RORA: variants seen among roughly 807,000 people sequenced by gnomAD.
The protein encoded by RORA is RAR related orphan receptor A, also known as nuclear receptor ROR-alpha.
RORA carries 7 observed loss-of-function variants against 69.5 expected under a neutral mutation model. That is an observed-to-expected ratio of 0.10 (90% CI 0.06 to 0.19). The LOEUF is 0.19. RORA is among the 10% of genes least tolerant of loss of function. RORA has a pLI of 1.00. For synonymous variants in RORA, 261 were observed against 240.8 expected (o/e 1.08, Z -0.78); for missense variants, 457 against 663.0 (o/e 0.69, Z 3.41).
chr15:60,788,316 G>T (rs960835543), intron 1 of RORA, among the ~76,000 whole-genome samples: 1 of 152,204 alleles, frequency 6.6e-6, no homozygotes, highest in Admixed American at 6.5e-5. Context: ...GGAGACAGAT[G>T]ATTGCAATAG....
chr15:61,111,079 T>C (rs1485522583), intron 1 of RORA, among the ~76,000 whole-genome samples: 2 of 152,192 alleles, frequency 1.3e-5, no homozygotes, highest in Non-Finnish European at 2.9e-5. Context: ...TTTGAAAGTC[T>C]GCAGAAAAGT....
At chr15:61,207,774 A>G (rs2079955490) in intron 1 of RORA, among the ~76,000 whole-genome samples, 1 of 152,188 alleles carries the variant, frequency 6.6e-6, no homozygotes, top group East Asian at 1.9e-4. Flanking sequence ...AGTGTCCTTA[A>G]CTCTTGCTTC....
At chr15:60,545,782 C>G (rs976812306) in intron 2 of RORA, among the ~76,000 whole-genome samples, 1 of 152,146 alleles carries the variant, frequency 6.6e-6, no homozygotes, top group Non-Finnish European at 1.5e-5. Context: ...CTTCTTTGGG[C>G]ATAATTTTAC....
intron 1 of RORA, among the ~76,000 whole-genome samples, chr15:60,875,547 C>A (rs534715798): frequency 6.6e-6 from 1 of 152,260 alleles, no homozygotes; most frequent in East Asian, 1.9e-4. Flanking sequence ...TTGGGTATGT[C>A]TACAAATGGT....
chr15:60,698,735 C>T (rs1403544270), intron 1 of RORA, among the ~76,000 whole-genome samples: 1 of 147,498 alleles, frequency 6.8e-6, no homozygotes, highest in Non-Finnish European at 1.5e-5. Context: ...ATTTATAATT[C>T]CTAGATTAGT....
chr15:60,915,600 C>T (rs1012999951), intron 1 of RORA, among the ~76,000 whole-genome samples: 2 of 152,174 alleles, frequency 1.3e-5, no homozygotes, highest in African/African-American at 2.4e-5. Flanking sequence ...ACTTGAAATG[C>T]GGTATGACTT....
intron 1 of RORA, among the ~76,000 whole-genome samples, chr15:60,921,140 T>C (rs982881200): frequency 1.3e-5 from 2 of 152,218 alleles, no homozygotes; most frequent in Non-Finnish European, 2.9e-5. Flanking sequence ...AGCTCCTGGT[T>C]CACATATGCC....
At chr15:61,023,532 A>G (rs1895650090) in intron 1 of RORA, among the ~76,000 whole-genome samples, 1 of 152,198 alleles carries the variant, frequency 6.6e-6, no homozygotes, top group South Asian at 2.1e-4. Context: ...ATGGGAGTAC[A>G]GTTCCAGATG....
chr15:61,081,464 T>A (rs1170028236), intron 1 of RORA, among the ~76,000 whole-genome samples: 1 of 152,182 alleles, frequency 6.6e-6, no homozygotes, highest in African/African-American at 2.4e-5. Flanking sequence ...CTGGTCTTAT[T>A]TCCCCGTGTA....
intron 1 of RORA, among the ~76,000 whole-genome samples, chr15:61,177,186 C>T (rs1251376014): frequency 6.6e-6 from 1 of 152,120 alleles, no homozygotes; most frequent in South Asian, 2.1e-4. Context: ...ATGCTACTTC[C>T]AGCAGAGAAG....
intron 1 of RORA, among the ~76,000 whole-genome samples, chr15:60,840,635 G>C (rs2073183654): frequency 6.6e-6 from 1 of 152,238 alleles, no homozygotes; most frequent in Non-Finnish European, 1.5e-5. Context: ...GAGGGACACT[G>C]CATGTGTCCC....
intron 1 of RORA, among the ~76,000 whole-genome samples, chr15:60,679,083 G>A (rs1323742212): frequency 6.6e-6 from 1 of 152,146 alleles, no homozygotes; most frequent in African/African-American, 2.4e-5. Context: ...TGAGCAACAC[G>A]GCAATTAATT....
chr15:60,568,467 C>G (rs1244256110), intron 2 of RORA, among the ~76,000 whole-genome samples: 4 of 152,308 alleles, frequency 2.6e-5, no homozygotes, highest in Non-Finnish European at 5.9e-5. Flanking sequence ...TCTCAAGACC[C>G]AAACCTCCCT....
intron 1 of RORA, among the ~76,000 whole-genome samples, chr15:61,225,602 C>T (rs1383508246): frequency 1.3e-5 from 2 of 152,178 alleles, no homozygotes; most frequent in Non-Finnish European, 2.9e-5. Flanking sequence ...CGATTTTTCC[C>T]TTAGGTCTGC....
At chr15:60,671,919 C>A (rs2070479747) in intron 2 of RORA, among the ~76,000 whole-genome samples, 1 of 151,796 alleles carries the variant, frequency 6.6e-6, no homozygotes, top group African/African-American at 2.4e-5. Context: ...GCCAGCAAGA[C>A]CCTGTCTCTA....
intron 1 of RORA, among the ~76,000 whole-genome samples, chr15:61,088,147 G>A (rs1463188527): frequency 1.3e-5 from 2 of 152,164 alleles, no homozygotes; most frequent in African/African-American, 4.8e-5. Context: ...TGGCCAGAGT[G>A]ACAGGTCATC....
Position 60,596,803 on chromosome 15 carries a change from A to G in RORA, c.197-64952T>C, listed in dbSNP as rs141117873. On this transcript the variant is annotated intron_variant, in intron 2 of 10. Transcript: ENST00000335670. ...TGTAGATTGAAATATGCATGTATGT[A>G]TACATATGCATAGTTCATGAAATAT... Among the ~76,000 whole-genome samples the G allele has an allele frequency of 9.2e-4, 140 of 152,332 alleles. 1 individual carries two copies. The highest frequency in any genetic ancestry group is 3.1e-3 in the African/African-American group (127 of 41,580).
At chr15:60,895,206 G>A (rs897919981) in intron 1 of RORA, among the ~76,000 whole-genome samples, 9 of 152,178 alleles carry the variant, frequency 5.9e-5, no homozygotes, top group African/African-American at 2.2e-4. Context: ...ATACCCGGAG[G>A]CAAGAAAGCG....
intron 1 of RORA, among the ~76,000 whole-genome samples, chr15:60,718,670 G>A (rs904700649): frequency 2.0e-5 from 3 of 152,092 alleles, no homozygotes; most frequent in Admixed American, 2.0e-4. Context: ...CACAAAGCTC[G>A]GGTAACAAGG....
Sources: gnomAD v4.1 joint callset for allele counts (sites outside exome capture counted in the v4.1 genomes callset) on GRCh38, gnomAD v4.1.1 for gene constraint, MANE v1.5 for transcripts, NCBI Gene and HGNC (gene_info 2026-07-23, HGNC 2026-07-21) for gene names.